Variants in CCDC148 observed in about 807,000 individuals in gnomAD.
CCDC148 encodes the protein coiled-coil domain-containing protein 148.
In CCDC148, 89 loss-of-function variants were observed where a neutral mutation model predicts 85.7. The observed-to-expected ratio is 1.04, with a 90% CI of 0.87 to 1.24. CCDC148 has a LOEUF of 1.24. Among genes scored for constraint, CCDC148 ranks in the 50% most tolerant of loss-of-function variants. The pLI is 0.00. For missense variants in CCDC148, 692 were observed against 671.7 expected, an observed-to-expected ratio of 1.03 and a Z score of -0.33; for synonymous variants, 230 against 213.9, an observed-to-expected ratio of 1.08 and a Z score of -0.66.
At chr2:158,402,312 A>G (rs537276843) in intron 1 of CCDC148, among the ~76,000 whole-genome samples, 5 of 152,136 alleles carry the variant, frequency 3.3e-5, no homozygotes, top group African/African-American at 1.2e-4. Flanking sequence ...CACATCATTC[A>G]CCACATACTT....
At chr2:158,397,086 G>A (rs1043187096) in intron 1 of CCDC148, among the ~76,000 whole-genome samples, 1 of 152,032 alleles carries the variant, frequency 6.6e-6, no homozygotes, top group African/African-American at 2.4e-5. Context: ...CAGGCAGCAA[G>A]ACCACTAGCA....
Position 158,365,802 on chromosome 2 carries a change from T to C in CCDC148, c.26-7232A>G, listed in dbSNP as rs1574702564. On this transcript the variant is annotated intron_variant, in intron 1 of 13. Transcript: ENST00000283233. ...TACATGTACCCCAGAACTTAAAGTA[T>C]AATAAAAAAAAGGAAGAAAGCAAGG... Among the ~76,000 whole-genome samples, 3 of 151,804 alleles carry C rather than the reference T, an allele frequency of 2.0e-5. No individual in the cohort carries two copies. The East Asian group carries it at 5.8e-4, about 29-fold the overall frequency.
At chr2:158,260,916 A>G (rs1389158480) in intron 9 of CCDC148, among the ~76,000 whole-genome samples, 1 of 152,086 alleles carries the variant, frequency 6.6e-6, no homozygotes, top group African/African-American at 2.4e-5. Flanking sequence ...GGAAGAATCA[A>G]TATTATTAAA....
chr2:158,420,245 G>T (rs1351862300), intron 1 of CCDC148: 1 of 152,088 alleles, frequency 6.6e-6, no homozygotes, highest in Non-Finnish European at 1.5e-5. Context: ...GAAATACAGA[G>T]AATGCCACAA....
At chr2:158,420,030 A>G (rs1193337547) in intron 1 of CCDC148, 1 of 152,266 alleles carries the variant, frequency 6.6e-6, no homozygotes, top group African/African-American at 2.4e-5. Context: ...TGTGGAGGAC[A>G]TGAACAAATA....
At chr2:158,438,527 A>C (rs996446287) in intron 1 of CCDC148, among the ~76,000 whole-genome samples, 3 of 152,236 alleles carry the variant, frequency 2.0e-5, no homozygotes, top group African/African-American at 7.2e-5. Flanking sequence ...AAACCCTAGA[A>C]GAAAACCTAG....
rs532296731 is a variant in CCDC148, at chr2:158,348,604, C to G, written c.148-3286G>C. Among the ~76,000 whole-genome samples the G allele has an allele frequency of 1.1e-4, 16 of 151,882 alleles. No homozygotes were observed. In the South Asian group the frequency reaches 3.3e-3, roughly 32 times the overall value. On this transcript the variant is annotated intron_variant, in intron 2 of 13. Coordinates refer to ENST00000283233, the MANE Select transcript of CCDC148 (RefSeq NM_138803.4). The stretch of plus-strand genomic sequence containing the variant: ...AGTATTGTAGGCTTTTTAAAAATCT[C>G]TATTATTTCAGAAATATATGTTGAA...
At chr2:158,420,075 T>C (rs972538202) in intron 1 of CCDC148, 1 of 152,074 alleles carries the variant, frequency 6.6e-6, no homozygotes. Flanking sequence ...CCAAGATGAA[T>C]GCAAGCAAGA....
chr2:158,411,906 G>C (rs1051634453), intron 1 of CCDC148, among the ~76,000 whole-genome samples: 1 of 151,768 alleles, frequency 6.6e-6, no homozygotes. Context: ...CTGGGTGCAT[G>C]GGTGCACAGT....
At chr2:158,232,964 C>CT (rs777739785) in intron 10 of CCDC148, among the ~76,000 whole-genome samples, 2 of 152,064 alleles carry the variant, frequency 1.3e-5, no homozygotes, top group Non-Finnish European at 2.9e-5. Flanking sequence ...AGTAGGATGA[C>CT]TATAGTTAAT....
At position 158,456,729 on chromosome 2, in the gene CCDC148, C is replaced by G. The variant is rs757037421; in HGVS notation, c.-290G>C. ...CACACCCACCCTCTCCAGGCCCTCT[C>G]GCGCTGAACAGCATCGGTCTCTATG... On this transcript the variant is annotated 5_prime_UTR_variant, in exon 1 of 14. Coordinates refer to ENST00000283233, the MANE Select transcript of CCDC148 (RefSeq NM_138803.4). The G allele has an allele frequency of 3.1e-4, 143 of 467,586 alleles. No individual in the cohort carries two copies. Among genetic ancestry groups the G allele is most frequent in the Non-Finnish European group, 4.7e-4 (122 of 259,614 alleles). The allele number at this position is 467,586 out of a possible 1,614,324, so 29.0% of individuals were successfully genotyped here. A position where few individuals can be genotyped will look rare whatever the true frequency, so the allele number is the denominator to read the frequency against.
intron 2 of CCDC148, among the ~76,000 whole-genome samples, chr2:158,350,354 C>T (rs898480424): frequency 3.3e-5 from 5 of 151,906 alleles, no homozygotes; most frequent in African/African-American, 1.2e-4. Context: ...TGGTACATCT[C>T]GAATGGATGG....
chr2:158,350,060 T>C (rs912831813), intron 2 of CCDC148, among the ~76,000 whole-genome samples: 2 of 152,146 alleles, frequency 1.3e-5, no homozygotes, highest in Admixed American at 1.3e-4. Context: ...CATTCCACTA[T>C]AAACAAAAAG....
intron 11 of CCDC148, among the ~76,000 whole-genome samples, chr2:158,186,341 T>C (rs961084516): frequency 3.3e-5 from 5 of 152,018 alleles, no homozygotes; most frequent in Non-Finnish European, 7.4e-5. Context: ...TGCCAACACC[T>C]TGAACTGAGG....
intron 11 of CCDC148, among the ~76,000 whole-genome samples, chr2:158,215,393 A>G (rs1253019139): frequency 6.6e-6 from 1 of 152,212 alleles, no homozygotes; most frequent in African/African-American, 2.4e-5. Context: ...CCCATGACCC[A>G]GAGATACAAA....
chr2:158,304,770 C>T (rs1025115396), intron 9 of CCDC148, among the ~76,000 whole-genome samples: 1 of 152,064 alleles, frequency 6.6e-6, no homozygotes, highest in Non-Finnish European at 1.5e-5. Context: ...ATAAATTAGC[C>T]TGAAATTTAA....
chr2:158,217,336 G>GTGTGTA (rs59724353), intron 11 of CCDC148, among the ~76,000 whole-genome samples: 3 of 137,712 alleles, frequency 2.2e-5, no homozygotes, highest in South Asian at 2.2e-4. Flanking sequence ...ATAATTTTGT[G>GTGTGTA]TATATATATA....
At chr2:158,206,573 T>C (rs561699914) in intron 11 of CCDC148, among the ~76,000 whole-genome samples, 1 of 152,362 alleles carries the variant, frequency 6.6e-6, no homozygotes, top group African/African-American at 2.4e-5. Flanking sequence ...GATTTCCATG[T>C]TCACTTTACC....
At chr2:158,321,193 T>C (rs187700082) in intron 7 of CCDC148, among the ~76,000 whole-genome samples, 1 of 152,202 alleles carries the variant, frequency 6.6e-6, no homozygotes, top group African/African-American at 2.4e-5. Flanking sequence ...TATAAAACCA[T>C]AAAGTAGTTA....
Sources: allele counts gnomAD v4.1 joint callset (sites outside exome capture counted in the v4.1 genomes callset), GRCh38; gene constraint gnomAD v4.1.1; transcripts MANE v1.5; gene names NCBI Gene and HGNC (gene_info 2026-07-23, HGNC 2026-07-21).